Variants in NTMT1 observed in about 807,000 individuals in gnomAD.
NTMT1 encodes N-terminal RCC1 methyltransferase.
NTMT1 carries 8 observed loss-of-function variants against 17.5 expected under a neutral mutation model. The ratio of observed to expected loss-of-function variants is 0.46; its 90% CI spans 0.27 to 0.82. NTMT1 has a LOEUF of 0.82. Among genes scored for constraint, NTMT1 ranks in the 40% least tolerant of loss-of-function variants. NTMT1 has a pLI of 0.15. For synonymous variants in NTMT1, 128 were observed against 126.8 expected, an observed-to-expected ratio of 1.01 and a Z score of -0.06; for missense variants, 221 against 303.5, an observed-to-expected ratio of 0.73 and a Z score of 2.02.
chr9:129,619,251 A>T (rs1000319099), intron 1 of NTMT1, among the ~76,000 whole-genome samples: 1 of 152,194 alleles, frequency 6.6e-6, no homozygotes, highest in African/African-American at 2.4e-5. Flanking sequence ...GGATGGGTGA[A>T]TGGGAAAATG....
intron 1 of NTMT1, among the ~76,000 whole-genome samples, chr9:129,609,676 G>A (rs1386601399): frequency 6.6e-6 from 1 of 151,378 alleles, no homozygotes; most frequent in Non-Finnish European, 1.5e-5. Flanking sequence ...ATAGGCCCCC[G>A]GAGGGCCCCC....
rs1214688073 is a variant in NTMT1 at position 129,614,645 on chromosome 9, T to TGCACTTTGGGAGGCATGA, written c.-55+5468_-55+5469insCACTTTGGGAGGCATGAG. Among the ~76,000 whole-genome samples, 1 of 152,192 alleles carries TGCACTTTGGGAGGCATGA rather than the reference T, an allele frequency of 6.6e-6. No individual in the cohort carries two copies. Among genetic ancestry groups the TGCACTTTGGGAGGCATGA allele is most frequent in the Non-Finnish European group, 1.5e-5 (1 of 68,032 alleles). ...ATGGCCAGGCGCGGTGGCTCATGCC[T>TGCACTTTGGGAGGCATGA]GTAATCCCAGCACTTTGGGAGGCAG... On this transcript the variant is annotated intron_variant, in intron 1 of 3. Coordinates refer to the NTMT1 transcript ENST00000372486. The surrounding 1 kb of genome is among the most constrained non-coding windows in gnomAD (Gnocchi z 4.4).
intron 1 of NTMT1, among the ~76,000 whole-genome samples, chr9:129,609,459 C>A (rs905049152): frequency 6.6e-6 from 1 of 152,164 alleles, no homozygotes; most frequent in Non-Finnish European, 1.5e-5. Flanking sequence ...TTGATCCCAG[C>A]TGCTCAGATG....
upstream of NTMT1, among the ~76,000 whole-genome samples, chr9:129,623,951 G>A (rs981945955): frequency 7.3e-5 from 11 of 150,626 alleles, no homozygotes; most frequent in Non-Finnish European, 1.5e-4. Flanking sequence ...CCACCACCAC[G>A]CCCGGCTAAT....
chr9:129,621,032 A>C (rs1054272328), intron 1 of NTMT1, among the ~76,000 whole-genome samples: 1 of 152,194 alleles, frequency 6.6e-6, no homozygotes, highest in Admixed American at 6.5e-5. Context: ...TGGTCTGCAG[A>C]ATGGGGATAA....
At chr9:129,615,596 G>A (rs1166293576) in intron 1 of NTMT1, 1 of 1,604,908 alleles carries the variant, frequency 6.2e-7, no homozygotes, top group Non-Finnish European at 8.5e-7. Context: ...CCCCCGAGGG[G>A]TTGTGGGTCA....
chr9:129,620,200 C>T lies in NTMT1; in HGVS notation c.-55+11022C>T. On this transcript the variant is annotated intron_variant, in intron 1 of 3. Transcript: ENST00000372486. The surrounding 1 kb of genome is among the most constrained non-coding windows in gnomAD (Gnocchi z 5.8). Reference sequence around the variant, plus strand: ...CCCTGGCCACGCGCCTCCGGGGGCGCTCGCGCTCTCCAGGCCCTGGCTGCC... The same window carrying T: ...CCCTGGCCACGCGCCTCCGGGGGCGTTCGCGCTCTCCAGGCCCTGGCTGCC... 1 of 1,447,368 alleles carries T rather than the reference C, an allele frequency of 6.9e-7. No individual in the cohort carries two copies. The highest frequency in any genetic ancestry group is 1.5e-5 in the South Asian group (1 of 68,832). The allele number at this position is 1,447,368 out of a possible 1,614,324, so 89.7% of individuals were successfully genotyped here. A position where few individuals can be genotyped will look rare whatever the true frequency, so the allele number is the denominator to read the frequency against.
Position 129,632,678 on chromosome 9 carries a change from T to C in NTMT1, c.-26T>C. 3 of 1,611,912 alleles carry C rather than the reference T, an allele frequency of 1.9e-6. No homozygotes were observed. Among genetic ancestry groups the C allele is most frequent in the Non-Finnish European group, 2.5e-6 (3 of 1,178,242 alleles). ...AGTCGCGGTTGCTGATCGTGGTGCT[T>C]GAGTAGAGCCGTGGTTGGTGACAGC... is the stretch of plus-strand genomic sequence containing the variant. On this transcript the variant is annotated 5_prime_UTR_variant, in exon 2 of 4. Transcript: ENST00000372483.
chr9:129,636,062 G>A lies in NTMT1; in HGVS notation c.*598G>A, dbSNP rs892176069. On this transcript the variant is annotated 3_prime_UTR_variant, in exon 4 of 4. Transcript: ENST00000372483. ...TAGCCTCAGTCTTCTCTGGGCTTGAGGCTGCTCCTTGGCAGGCATTTAAAG... is the reference window on the plus strand; with the variant it reads ...TAGCCTCAGTCTTCTCTGGGCTTGAAGCTGCTCCTTGGCAGGCATTTAAAG... 38 of 152,520 alleles carry A rather than the reference G, an allele frequency of 2.5e-4. No individual in the cohort carries two copies. Among genetic ancestry groups the A allele is most frequent in the African/African-American group, 8.9e-4 (37 of 41,584 alleles). 9.4% of individuals were successfully genotyped at this position (152,520 alleles called of 1,614,324 possible).
At chr9:129,628,618 C>T (rs1473375064) in intron 1 of NTMT1, 5 of 152,150 alleles carry the variant, frequency 3.3e-5, no homozygotes, top group African/African-American at 1.2e-4. Flanking sequence ...TAGTCAATGC[C>T]CACCTGGTAT....
rs146060638 is a variant in NTMT1, at chr9:129,629,106, C to T, written c.-55+2811C>T. Among the ~76,000 whole-genome samples the T allele has an allele frequency of 1.4e-4, 22 of 152,256 alleles. No homozygotes were observed. The East Asian group carries it at 4.3e-3, about 29-fold the overall frequency. On this transcript the variant is annotated intron_variant, in intron 1 of 3. Transcript: ENST00000372483. ...TCCTGGGCTCAAGCAGTCTTCCCAC[C>T]TCAGCCTCCCAAAGGGCTCAGGTTA...
At chr9:129,624,878 T>C (rs1383921079), upstream of NTMT1, among the ~76,000 whole-genome samples, 1 of 152,222 alleles carries the variant, frequency 6.6e-6, no homozygotes, top group Admixed American at 6.5e-5. Context: ...TCCGCCTGCC[T>C]TGGCCTCCCA....
chr9:129,621,206 C>T (rs923073313), upstream of NTMT1, among the ~76,000 whole-genome samples: 6 of 152,232 alleles, frequency 3.9e-5, no homozygotes, highest in African/African-American at 1.4e-4. Flanking sequence ...GGAAGAGAGA[C>T]CTGACCAGCA....
At chr9:129,619,413 G>A in intron 1 of NTMT1, 1 of 797,376 alleles carries the variant, frequency 1.3e-6, no homozygotes, top group Admixed American at 2.2e-5. Flanking sequence ...GGATGAATGG[G>A]TAGATAGGTG....
intron 1 of NTMT1, among the ~76,000 whole-genome samples, chr9:129,610,784 C>T (rs1830097337): frequency 6.6e-6 from 1 of 152,138 alleles, no homozygotes; most frequent in Non-Finnish European, 1.5e-5. Flanking sequence ...TAAACTGAGG[C>T]TCAGAGAGGG....
Position 129,620,545 on chromosome 9 carries a change from G to T in NTMT1, c.-55+11367G>T. 1 of 1,406,276 alleles carries T rather than the reference G, an allele frequency of 7.1e-7. No individual in the cohort carries two copies. Among genetic ancestry groups the T allele is most frequent in the Non-Finnish European group, 9.3e-7 (1 of 1,076,766 alleles). The allele number at this position is 1,406,276 out of a possible 1,614,324, so 87.1% of individuals were successfully genotyped here. On this transcript the variant is annotated intron_variant, in intron 1 of 3. Transcript: ENST00000372486. The surrounding 1 kb of genome is among the most constrained non-coding windows in gnomAD (Gnocchi z 5.8). The stretch of plus-strand genomic sequence containing the variant: ...GGAGCCCCTTGGGCGCCAGGTCCTG[G>T]GCCCCTGGGCGAAGTCGACGCCAGA...
chr9:129,635,611 C>G lies in NTMT1; in HGVS notation c.*147C>G. On this transcript the variant is annotated 3_prime_UTR_variant, in exon 4 of 4. Transcript: ENST00000372483. ...CTGCCGTCCACTCATTATGCGGGCT[C>G]TTCTTCAAAAGGCAAGGTGGGACCC... The G allele has an allele frequency of 1.9e-6, 2 of 1,054,218 alleles. No individual in the cohort carries two copies. The highest frequency in any genetic ancestry group is 2.7e-6 in the Non-Finnish European group (2 of 728,998). The allele number at this position is 1,054,218 out of a possible 1,614,324, so 65.3% of individuals were successfully genotyped here.
chr9:129,621,990 C>G (rs545463280), upstream of NTMT1, among the ~76,000 whole-genome samples: 1 of 152,196 alleles, frequency 6.6e-6, no homozygotes, highest in Non-Finnish European at 1.5e-5. Flanking sequence ...CACCCCTGGG[C>G]ATCTGAGTAG....
At chr9:129,616,934 C>T (rs1355758916) in intron 1 of NTMT1, among the ~76,000 whole-genome samples, 3 of 152,116 alleles carry the variant, frequency 2.0e-5, no homozygotes, top group Non-Finnish European at 2.9e-5. Context: ...ATTAGCTGGG[C>T]ACGGTGGCGT....
Sources: gnomAD v4.1 joint callset for allele counts (sites outside exome capture counted in the v4.1 genomes callset) on GRCh38, gnomAD v4.1.1 for gene constraint, Gnocchi (gnomAD v3.1) non-coding constraint, MANE v1.5 for transcripts, NCBI Gene and HGNC (gene_info 2026-07-23, HGNC 2026-07-21) for gene names.